The following ESR2 variants were observed in gnomAD, a reference collection of about 807,000 sequenced individuals.
The protein encoded by ESR2 is estrogen receptor 2.
Under a neutral mutation model 49.6 loss-of-function variants are expected in ESR2, and 36 were observed. The ratio of observed to expected loss-of-function variants is 0.73; its 90% CI spans 0.56 to 0.96. The LOEUF is 0.96. Among genes scored for constraint, ESR2 ranks in the 40% least tolerant of loss-of-function variants. The pLI is 0.00. For synonymous variants in ESR2, 320 were observed against 266.1 expected (o/e 1.20, Z -1.97); for missense variants, 714 against 693.0 (o/e 1.03, Z -0.34).
intron 1 of ESR2, 136 bp from the exon 2 acceptor site, chr14:64,283,211 T>C (rs745464754): frequency 3.0e-5 from 12 of 395,030 alleles, no homozygotes; most frequent in Non-Finnish European, 4.5e-5. Context: ...CATGAAAATA[T>C]TAACCTCAGA....
At chr14:64,299,631 G>A (rs938032869) in intron 1 of ESR2, among the ~76,000 whole-genome samples, 3 of 152,124 alleles carry the variant, frequency 2.0e-5, no homozygotes, top group African/African-American at 7.2e-5. Flanking sequence ...CAAAGTGCTG[G>A]GATTACAGGC....
At chr14:64,332,740 C>T (rs2077477218) in intron 1 of ESR2, among the ~76,000 whole-genome samples, 2 of 145,594 alleles carry the variant, frequency 1.4e-5, no homozygotes, top group African/African-American at 5.1e-5. Flanking sequence ...GCGGAGCTTG[C>T]AGTGAGCGGA....
intron 1 of ESR2, among the ~76,000 whole-genome samples, chr14:64,326,605 T>G (rs1209771221): frequency 1.3e-5 from 2 of 152,108 alleles, no homozygotes; most frequent in Non-Finnish European, 2.9e-5. Context: ...ATGCTCAAAT[T>G]GGGTGCTTTT....
intron 7 of ESR2, among the ~76,000 whole-genome samples, chr14:64,240,922 A>G (rs997847004): frequency 6.6e-6 from 1 of 152,006 alleles, no homozygotes; most frequent in Non-Finnish European, 1.5e-5. Flanking sequence ...AGGCGGGCGG[A>G]TCACGAGATC....
chr14:64,291,296 C>G (rs2076866686), intron 1 of ESR2, among the ~76,000 whole-genome samples: 1 of 152,138 alleles, frequency 6.6e-6, no homozygotes, highest in African/African-American at 2.4e-5. Flanking sequence ...CTAGGTCACC[C>G]TAACTCTCCT....
At chr14:64,307,399 G>C (rs986136045) in intron 1 of ESR2, among the ~76,000 whole-genome samples, 4 of 151,340 alleles carry the variant, frequency 2.6e-5, no homozygotes, top group African/African-American at 9.7e-5. Context: ...ATTTTTAGTA[G>C]AGATGGGGTT....
chr14:64,275,398 T>G (rs1399949675), intron 3 of ESR2, among the ~76,000 whole-genome samples: 1 of 152,206 alleles, frequency 6.6e-6, no homozygotes, highest in Non-Finnish European at 1.5e-5. Flanking sequence ...GTATAGCCAC[T>G]CCTGCTCTTT....
At chr14:64,328,262 C>T (rs1169907536) in intron 1 of ESR2, among the ~76,000 whole-genome samples, 1 of 151,106 alleles carries the variant, frequency 6.6e-6, no homozygotes, top group East Asian at 1.9e-4. Context: ...CTACTAAAAA[C>T]ACAAAAATTA....
intron 7 of ESR2, among the ~76,000 whole-genome samples, chr14:64,244,831 T>A (rs2075815036): frequency 6.6e-6 from 1 of 152,206 alleles, no homozygotes; most frequent in South Asian, 2.1e-4. Flanking sequence ...TACCTATCCA[T>A]CCTATTGGTT....
intron 1 of ESR2, among the ~76,000 whole-genome samples, chr14:64,284,897 T>C (rs1189737793): frequency 6.6e-6 from 1 of 151,382 alleles, no homozygotes; most frequent in Non-Finnish European, 1.5e-5. Flanking sequence ...TCACCCAGGC[T>C]GGAGTGCAGT....
intron 3 of ESR2, among the ~76,000 whole-genome samples, chr14:64,279,250 T>G (rs956808353): frequency 1.3e-5 from 2 of 152,190 alleles, no homozygotes; most frequent in Admixed American, 6.6e-5. Context: ...TAAGACCAAG[T>G]TGTGGCCTGA....
intron 1 of ESR2, among the ~76,000 whole-genome samples, chr14:64,307,107 GTAGGTTA>G (rs2140875663): frequency 6.6e-6 from 1 of 151,924 alleles, no homozygotes; most frequent in Admixed American, 6.5e-5. Flanking sequence ...TGTAGAATCT[GTAGGTTA>G]TCTCCTTCAT....
chr14:64,286,883 A>C (rs970991323), intron 1 of ESR2, among the ~76,000 whole-genome samples: 75 of 149,326 alleles, frequency 5.0e-4, no homozygotes, highest in African/African-American at 1.8e-3. Context: ...GGCCAGGCTA[A>C]TTTTTGTATT....
intron 1 of ESR2, among the ~76,000 whole-genome samples, chr14:64,315,267 G>GGA (rs1395526699): frequency 3.7e-5 from 5 of 136,696 alleles, no homozygotes; most frequent in African/African-American, 1.4e-4. Context: ...AAAAAAAAAA[G>GGA]GAGAGAGAGA....
intron 1 of ESR2, among the ~76,000 whole-genome samples, chr14:64,324,944 T>C (rs1169211860): frequency 6.6e-6 from 1 of 152,214 alleles, no homozygotes; most frequent in Non-Finnish European, 1.5e-5. Flanking sequence ...TGTTAATAGA[T>C]GTAGCAGATG....
intron 1 of ESR2, among the ~76,000 whole-genome samples, chr14:64,327,562 G>A (rs2077405326): frequency 6.6e-6 from 1 of 152,088 alleles, no homozygotes; most frequent in South Asian, 2.1e-4. Context: ...CGGGTGTGGT[G>A]ACGGGCTCCT....
chr14:64,314,298 A>T (rs1286854567), intron 1 of ESR2, among the ~76,000 whole-genome samples: 1 of 152,072 alleles, frequency 6.6e-6, no homozygotes, highest in Non-Finnish European at 1.5e-5. Flanking sequence ...TTAAAAATAC[A>T]TGGAACTGAA....
At position 64,280,056 on chromosome 14, in the gene ESR2, C is replaced by T. The variant is rs760612953; in HGVS notation, c.460G>A (p.Asp154Asn). Residue 154 changes from aspartate (D) to asparagine (N), a missense_variant, in exon 3 of 9, where the codon GAT (aspartate) becomes AAT (asparagine). By Grantham distance (23) the Asp-to-Asn change is conservative. Coordinates refer to ENST00000341099, the MANE Select transcript of ESR2 (RefSeq NM_001437.3). ...CCATAGTGATATCCCGATGCGTAAT[C>T]GCTGCAGACAGCGCAGAAGTGAGCA... The part of the protein sequence containing the change: ...RDAHFCAVCS[D>N]YASGYHYGVW... 14 of 1,614,046 alleles carry T rather than the reference C, an allele frequency of 8.7e-6. No homozygotes were observed. The highest frequency in any genetic ancestry group is 5.0e-5 in the Admixed American group (3 of 60,002).
chr14:64,290,843 G>C (rs1175685303), intron 1 of ESR2, among the ~76,000 whole-genome samples: 3 of 152,254 alleles, frequency 2.0e-5, no homozygotes, highest in African/African-American at 7.2e-5. Context: ...TGTACATAAG[G>C]AAACCCTGTT....
Sources: allele counts gnomAD v4.1 joint callset (sites outside exome capture counted in the v4.1 genomes callset), GRCh38; gene constraint gnomAD v4.1.1; transcripts MANE v1.5; gene names NCBI Gene and HGNC (gene_info 2026-07-23, HGNC 2026-07-21).